The following MVK variants were observed in gnomAD, a reference collection of about 807,000 sequenced individuals.
MVK encodes LH receptor mRNA-binding protein.
Under a neutral mutation model 43.2 loss-of-function variants are expected in MVK, and 34 were observed. The observed-to-expected ratio is 0.79, with a 90% CI of 0.60 to 1.05. The LOEUF is 1.05. Ranked by LOEUF, MVK falls within the 50% of genes least tolerant of loss-of-function variation. The pLI is 0.00. For missense variants in MVK, 395 were observed against 504.0 expected (o/e 0.78, Z 2.07); for synonymous variants, 190 against 219.8 (o/e 0.86, Z 1.20).
intron 7 of MVK, chr12:109,590,333 C>T (rs1324999869): frequency 9.5e-6 from 3 of 316,366 alleles, no homozygotes; most frequent in African/African-American, 2.2e-5. Context: ...TGCCGGGTTC[C>T]GCCACCTCCA....
intron 9 of MVK, among the ~76,000 whole-genome samples, chr12:109,594,447 A>G (rs1208887143): frequency 6.6e-6 from 1 of 152,172 alleles, no homozygotes; most frequent in African/African-American, 2.4e-5. Flanking sequence ...GAGGCATGTT[A>G]TTTGAAACTT....
chr12:109,595,271 G>T lies in MVK; in HGVS notation c.1039+90G>T. On this transcript the variant is annotated intron_variant, in intron 10 of 10. Coordinates refer to ENST00000228510, the MANE Select transcript of MVK (RefSeq NM_000431.4). This position sits in a 1 kb window ranked among gnomAD's most constrained non-coding sequence, Gnocchi z 5.9. ...TTCCCTTGAAAGGAAAAAGAGACCT[G>T]GAAACAGGTCTCAGCTCCGCTGTGT... 1 of 1,544,348 alleles carries T rather than the reference G, an allele frequency of 6.5e-7. No individual in the cohort carries two copies. The highest frequency in any genetic ancestry group is 8.8e-7 in the Non-Finnish European group (1 of 1,139,610).
intron 6 of MVK, among the ~76,000 whole-genome samples, 176 bp downstream of exon 6, chr12:109,586,301 C>T (rs1193877462): frequency 6.6e-6 from 1 of 152,148 alleles, no homozygotes; most frequent in Non-Finnish European, 1.5e-5. Context: ...TGTCTCACAC[C>T]CCCTGAATCA....
At position 109,595,080 on chromosome 12, in the gene MVK, C is replaced by A; in HGVS notation, c.938C>A (p.Ala313Asp). 1 of 1,614,218 alleles carries A rather than the reference C, an allele frequency of 6.2e-7. No individual in the cohort carries two copies. Among genetic ancestry groups the A allele is most frequent in the Non-Finnish European group, 8.5e-7 (1 of 1,180,038 alleles). The change falls in exon 10 of 11, where the codon GCC (alanine) becomes GAC (aspartate). Residue 313 changes from alanine (A) to aspartate (D), a missense_variant. By Grantham distance (126) the Ala-to-Asp change is moderately radical. Transcript: ENST00000228510. The surrounding 1 kb of genome is among the most constrained non-coding windows in gnomAD (Gnocchi z 5.9). ...HHLNALGVGHASLDQLCQVTR... is the reference protein window; with the variant it reads ...HHLNALGVGHDSLDQLCQVTR... ...CTGAATGCCCTCGGCGTGGGCCACG[C>A]CTCTCTGGACCAGCTCTGCCAGGTG...
At chr12:109,575,462 G>A (rs1024905832) in intron 2 of MVK, among the ~76,000 whole-genome samples, 7 of 151,170 alleles carry the variant, frequency 4.6e-5, no homozygotes, top group South Asian at 2.1e-4. Flanking sequence ...CTCTGTCACC[G>A]GAGTGCAATC....
chr12:109,590,903 G>A (rs751949897), intron 8 of MVK, 42 bp downstream of exon 8: 1 of 1,590,914 alleles, frequency 6.3e-7, no homozygotes. Flanking sequence ...AGGAAGGCCA[G>A]GACACAATTA....
intron 5 of MVK, 36 bp from the exon 6 acceptor site, chr12:109,585,986 C>T (rs750211463): frequency 1.3e-6 from 2 of 1,581,248 alleles, no homozygotes; most frequent in Middle Eastern, 1.7e-4. Flanking sequence ...CCCCACTCCT[C>T]ACTGCCACAG....
At chr12:109,578,808 G>C (rs1035680192) in intron 3 of MVK, among the ~76,000 whole-genome samples, 1 of 152,186 alleles carries the variant, frequency 6.6e-6, no homozygotes, top group Non-Finnish European at 1.5e-5. Flanking sequence ...TTGAGAATGT[G>C]ACCTGAGGCT....
intron 8 of MVK, 73 bp downstream of exon 8, chr12:109,590,934 C>T (rs1885645172): frequency 1.3e-6 from 2 of 1,502,902 alleles, no homozygotes; most frequent in African/African-American, 1.4e-5. Flanking sequence ...TTCGAGGTCT[C>T]CCTCTGGCTG....
intron 9 of MVK, among the ~76,000 whole-genome samples, chr12:109,593,385 G>A (rs1165220596): frequency 6.6e-6 from 1 of 152,140 alleles, no homozygotes; most frequent in African/African-American, 2.4e-5. Context: ...GTGGGCCTCC[G>A]CAGAGATGCC....
chr12:109,596,410 C>T lies in MVK; in HGVS notation c.1040-16C>T, dbSNP rs1190422072. 6.2e-7 allele frequency: 1 copy of T among 1,612,010 alleles called. No homozygotes were observed. Among genetic ancestry groups the T allele is most frequent in the Non-Finnish European group, 8.5e-7 (1 of 1,179,574 alleles). On this transcript the variant is annotated splice_polypyrimidine_tract_variant and intron_variant, in intron 10 of 10. Transcript: ENST00000228510. ...GCGGAGAGTTGTCAAGGGTGACCTGCCTTCCCTCCCCGCAGGGCTGGAGCA... is the reference window on the plus strand; with the variant it reads ...GCGGAGAGTTGTCAAGGGTGACCTGTCTTCCCTCCCCGCAGGGCTGGAGCA...
At chr12:109,591,858 A>G (rs1489962060) in intron 9 of MVK, among the ~76,000 whole-genome samples, 1 of 152,202 alleles carries the variant, frequency 6.6e-6, no homozygotes, top group African/African-American at 2.4e-5. Context: ...TCTAGTGTAG[A>G]GGTTGTGACC....
chr12:109,574,759 G>C, intron 1 of MVK, 50 bp from the exon 2 acceptor site: 6 of 1,438,672 alleles, frequency 4.2e-6, no homozygotes, highest in Non-Finnish European at 5.8e-6. Flanking sequence ...TCTTCCTGCT[G>C]GTTCTGACAT....
rs774340599 is a variant in MVK, at chr12:109,591,333, C to A, written c.861C>A (p.Ala287=). 5.0e-6 allele frequency: 8 copies of A among 1,614,198 alleles called. No individual in the cohort carries two copies. Among genetic ancestry groups the A allele is most frequent in the Non-Finnish European group, 6.8e-6 (8 of 1,180,028 alleles). ...RVLGEMGEAP[A]PEQYLVLEEL... ...TGGGAGAGATGGGGGAAGCCCCAGC[C>A]CCGGAGCAGTACCTCGTGCTGGAAG... The change falls in exon 9 of 11, where the codon GCC becomes GCA. Residue 287 remains alanine (A), a synonymous_variant. Coordinates refer to ENST00000228510, the MANE Select transcript of MVK (RefSeq NM_000431.4).
chr12:109,585,262 AAG>A (rs1593021045), intron 5 of MVK, among the ~76,000 whole-genome samples: 1 of 152,286 alleles, frequency 6.6e-6, no homozygotes, highest in Non-Finnish European at 1.5e-5. Flanking sequence ...GGCCCTGGGA[AAG>A]AGTCACACCT....
At chr12:109,579,136 A>ATT in intron 3 of MVK, 3 of 384,474 alleles carry the variant, frequency 7.8e-6, no homozygotes, top group East Asian at 8.0e-5. Flanking sequence ...TTAAGACTAC[A>ATT]ATTTTTTTTT....
At position 109,586,019 on chromosome 12, in the gene MVK, C is replaced by A; in HGVS notation, c.528-3C>A. 6.2e-7 allele frequency: 1 copy of A among 1,612,546 alleles called. No individual in the cohort carries two copies. The highest frequency in any genetic ancestry group is 1.3e-5 in the African/African-American group (1 of 75,018). On this transcript the variant is annotated splice_region_variant and splice_polypyrimidine_tract_variant and intron_variant, in intron 5 of 10. Coordinates refer to ENST00000228510, the MANE Select transcript of MVK (RefSeq NM_000431.4). Reference sequence around the variant, plus strand: ...CAGTAAAGATGAACATCTGTGTCTTCAGGTGGACCAAGGAGGATTTGGAGC... The same window carrying A: ...CAGTAAAGATGAACATCTGTGTCTTAAGGTGGACCAAGGAGGATTTGGAGC...
In MVK at chr12:109,595,169, C is replaced by A. The variant is rs1009360899; in HGVS notation, c.1027C>A (p.Leu343Ile). Reference sequence around the variant, plus strand: ...AGGCGGTGGTGGCTGTGGCATCACACTCCTCAAGCCAGGTATCCCGGGGGT... The same window carrying A: ...AGGCGGTGGTGGCTGTGGCATCACAATCCTCAAGCCAGGTATCCCGGGGGT... ...GAGGGGCGIT[L>I]LKPGLEQPEV... The change falls in exon 10 of 11, where the codon CTC becomes ATC. Residue 343 changes from leucine (L) to isoleucine (I), a missense_variant. Coordinates refer to ENST00000228510, the MANE Select transcript of MVK (RefSeq NM_000431.4). This position sits in a 1 kb window ranked among gnomAD's most constrained non-coding sequence, Gnocchi z 5.9. The A allele has an allele frequency of 6.2e-7, 1 of 1,613,902 alleles. No homozygotes were observed. Among genetic ancestry groups the A allele is most frequent in the African/African-American group, 1.3e-5 (1 of 74,892 alleles).
At chr12:109,589,396 C>T (rs887566020) in intron 7 of MVK, 7 of 152,158 alleles carry the variant, frequency 4.6e-5, no homozygotes, top group African/African-American at 1.7e-4. Context: ...GGGCCAGACT[C>T]CACGTTAATC....
Sources: gnomAD v4.1 joint callset for allele counts (sites outside exome capture counted in the v4.1 genomes callset) on GRCh38, gnomAD v4.1.1 for gene constraint, Gnocchi (gnomAD v3.1) non-coding constraint, MANE v1.5 for transcripts, NCBI Gene and HGNC (gene_info 2026-07-23, HGNC 2026-07-21) for gene names.